Variants in FRY observed in about 807,000 individuals in gnomAD.
The protein encoded by FRY is protein furry homolog.
FRY carries 128 observed loss-of-function variants against 348.4 expected under a neutral mutation model. The ratio of observed to expected loss-of-function variants is 0.37; its 90% CI spans 0.32 to 0.43. FRY has a LOEUF of 0.43. FRY is among the 20% of genes least tolerant of loss of function. FRY has a pLI of 1.00. For synonymous variants in FRY, 1,370 were observed against 1,374.7 expected, an observed-to-expected ratio of 1.00 and a Z score of 0.08; for missense variants, 2,736 against 3,695.2, an observed-to-expected ratio of 0.74 and a Z score of 6.73.
intron 29 of FRY, among the ~76,000 whole-genome samples, chr13:32,197,428 G>A (rs992671497): frequency 2.6e-5 from 4 of 152,152 alleles, no homozygotes; most frequent in Non-Finnish European, 5.9e-5. Context: ...AGCCCTATTT[G>A]GTTATGTGAG....
In FRY at chr13:32,224,975, T is replaced by C. The variant is rs1054828639; in HGVS notation, c.4959T>C (p.Asp1653=). 3 of 1,611,860 alleles carry C rather than the reference T, an allele frequency of 1.9e-6. No individual in the cohort carries two copies. In the African/African-American group the frequency reaches 4.0e-5, roughly 22 times the overall value. The change falls in exon 38 of 61, where the codon GAT becomes GAC. Residue 1653 remains aspartate, a synonymous_variant. Transcript: ENST00000542859. ...AVIFMTEMVV[D]HSVREDWALH... is the part of the protein sequence containing the mutation. ...TTTTTATGACTGAAATGGTGGTGGATCACAGTGTACGAGAAGACTGGGCGC... is the reference window on the plus strand; with the variant it reads ...TTTTTATGACTGAAATGGTGGTGGACCACAGTGTACGAGAAGACTGGGCGC...
intron 49 of FRY, among the ~76,000 whole-genome samples, 173 bp from the exon 50 acceptor site, chr13:32,251,705 A>G (rs147492000): frequency 6.6e-6 from 1 of 152,334 alleles, no homozygotes; most frequent in East Asian, 1.9e-4. Context: ...TGTTTTCAAT[A>G]TTTAACAATT....
In FRY at chr13:32,117,491, A is replaced by G; in HGVS notation, c.464+18A>G. 3 of 1,610,766 alleles carry G rather than the reference A, an allele frequency of 1.9e-6. No individual in the cohort carries two copies. The highest frequency in any genetic ancestry group is 2.5e-6 in the Non-Finnish European group (3 of 1,177,120). ...TCAAAAAGGTACATTTCTTTTGTGT[A>G]AGGATCATGGTTTTATTTTGTTTTG... On this transcript the variant is annotated intron_variant, in intron 4 of 60. Transcript: ENST00000542859.
intron 1 of FRY, among the ~76,000 whole-genome samples, chr13:32,062,094 T>A (rs1216616732): frequency 6.6e-6 from 1 of 151,944 alleles, no homozygotes; most frequent in Non-Finnish European, 1.5e-5. Flanking sequence ...TAGCCTTCTG[T>A]TTCTAGGAAA....
intron 1 of FRY, among the ~76,000 whole-genome samples, chr13:32,034,123 A>T (rs919286987): frequency 4.6e-5 from 7 of 152,186 alleles, no homozygotes; most frequent in Non-Finnish European, 8.8e-5. Context: ...CTGAATGGAG[A>T]CTCAGCCTCT....
At chr13:32,176,998 C>T (rs902798287) in intron 20 of FRY, among the ~76,000 whole-genome samples, 1 of 152,174 alleles carries the variant, frequency 6.6e-6, no homozygotes, top group African/African-American at 2.4e-5. Context: ...GGCTCTGTAG[C>T]TCCAGCTCTG....
At chr13:32,135,061 T>C (rs771772650) in intron 9 of FRY, 24 bp from the exon 10 acceptor site, 19 of 1,544,062 alleles carry the variant, frequency 1.2e-5, no homozygotes, top group Middle Eastern at 1.7e-4. Flanking sequence ...ATTAATATAA[T>C]ATTCACATGC....
At chr13:32,262,533 A>G (rs1204235870) in intron 53 of FRY, 58 bp downstream of exon 53, 2 of 1,300,266 alleles carry the variant, frequency 1.5e-6, no homozygotes, top group Non-Finnish European at 2.2e-6. Flanking sequence ...AAAAAAAAAC[A>G]CTTCCAATTT....
chr13:32,181,398 C>G (rs146125797), intron 23 of FRY, among the ~76,000 whole-genome samples: 1,914 of 151,094 alleles, frequency 0.013, 45 homozygotes, highest in African/African-American at 0.043. Flanking sequence ...AGTTTAAGAC[C>G]AGCCTGGGCA....
chr13:32,224,085 G>C, intron 36 of FRY, 150 bp from the exon 37 acceptor site: 1 of 694,136 alleles, frequency 1.4e-6, no homozygotes, highest in South Asian at 1.7e-5. Context: ...GGGTGCCAGC[G>C]AGACCCTGTC....
intron 2 of FRY, among the ~76,000 whole-genome samples, chr13:32,090,263 GC>G (rs1401686005): frequency 6.6e-6 from 1 of 150,932 alleles, no homozygotes; most frequent in African/African-American, 2.4e-5. Context: ...CGGGAGAATG[GC>G]GTGAACCCGG....
intron 28 of FRY, among the ~76,000 whole-genome samples, chr13:32,190,169 GA>G (rs200253548): frequency 6.9e-5 from 10 of 144,180 alleles, no homozygotes; most frequent in Non-Finnish European, 1.1e-4. Context: ...AAGGCACCTT[GA>G]AAAAAAAAAC....
At chr13:32,232,661 C>T (rs1204008246) in intron 41 of FRY, among the ~76,000 whole-genome samples, 1 of 152,168 alleles carries the variant, frequency 6.6e-6, no homozygotes, top group African/African-American at 2.4e-5. Flanking sequence ...AAGAGGATTC[C>T]TCAGGATGAG....
intron 35 of FRY, among the ~76,000 whole-genome samples, chr13:32,215,243 A>G (rs766794188): frequency 8.5e-5 from 13 of 152,224 alleles, no homozygotes; most frequent in Non-Finnish European, 1.8e-4. Flanking sequence ...ACAGTAATCT[A>G]TGAAACATTT....
At chr13:32,069,190 C>T (rs537173930) in intron 1 of FRY, among the ~76,000 whole-genome samples, 52 of 152,298 alleles carry the variant, frequency 3.4e-4, no homozygotes, top group African/African-American at 1.2e-3. Context: ...GCTGGGATTA[C>T]AGGCATGAGC....
At chr13:32,156,828 A>G (rs1404087491) in intron 15 of FRY, among the ~76,000 whole-genome samples, 3 of 152,066 alleles carry the variant, frequency 2.0e-5, no homozygotes, top group Non-Finnish European at 4.4e-5. Flanking sequence ...ATATGAAGTT[A>G]TTTTATTTTA....
At chr13:32,067,395 G>C (rs1006553850) in intron 1 of FRY, among the ~76,000 whole-genome samples, 2 of 152,068 alleles carry the variant, frequency 1.3e-5, no homozygotes, top group African/African-American at 4.8e-5. Context: ...TTTACAGGTA[G>C]GAATAAAGAC....
intron 11 of FRY, among the ~76,000 whole-genome samples, chr13:32,140,109 A>T (rs1257714843): frequency 1.3e-5 from 2 of 151,746 alleles, no homozygotes; most frequent in African/African-American, 4.8e-5. Flanking sequence ...AACAGAAAAG[A>T]AACCTCAAAG....
chr13:32,276,426 C>T (rs772744944), intron 56 of FRY, 38 bp from the exon 57 acceptor site: 1 of 989,678 alleles, frequency 1.0e-6, no homozygotes, highest in Admixed American at 1.7e-5. Context: ...GTGTTGGTAT[C>T]TCTCTAGTTT....
Sources: allele counts gnomAD v4.1 joint callset (sites outside exome capture counted in the v4.1 genomes callset), GRCh38; gene constraint gnomAD v4.1.1; transcripts MANE v1.5; gene names NCBI Gene and HGNC (gene_info 2026-07-23, HGNC 2026-07-21).